Variants in LIMCH1 observed in about 807,000 individuals in gnomAD.
The protein encoded by LIMCH1 is LIM and calponin homology domains-containing protein 1.
A neutral mutation model predicts 176.5 loss-of-function variants in LIMCH1; 113 were observed. The observed-to-expected ratio is 0.64, with a 90% CI of 0.55 to 0.75. LIMCH1 has a LOEUF of 0.75. Ranked by LOEUF, LIMCH1 falls within the 30% of genes least tolerant of loss-of-function variation. LIMCH1 has a pLI of 0.00. For synonymous variants in LIMCH1, 619 were observed against 645.9 expected (o/e 0.96, Z 0.63); for missense variants, 1,674 against 1,814.9 (o/e 0.92, Z 1.41).
At position 41,409,673 on chromosome 4, in the gene LIMCH1, C is replaced by T. The variant is rs182456370; in HGVS notation, c.96+48737C>T. Among the ~76,000 whole-genome samples the T allele has an allele frequency of 1.9e-3, 283 of 152,274 alleles. 2 individuals are homozygous for T. The highest frequency in any genetic ancestry group is 2.4e-3 in the Non-Finnish European group (166 of 68,018). ...TGCTGACATTGACTTAGAGCGGTTC[C>T]TATAAATGAGGTCCCGATACAGTAA... On this transcript the variant is annotated intron_variant, in intron 1 of 26. Transcript: ENST00000313860.
intron 1 of LIMCH1, among the ~76,000 whole-genome samples, chr4:41,581,116 A>ATCTG (rs1561818947): frequency 1.6e-5 from 2 of 125,900 alleles, no homozygotes; most frequent in Non-Finnish European, 3.2e-5. Context: ...CTGTCTGTCT[A>ATCTG]TCTATCTATC....
chr4:41,487,479 A>G (rs2069823833), intron 1 of LIMCH1, among the ~76,000 whole-genome samples: 1 of 152,112 alleles, frequency 6.6e-6, no homozygotes, highest in Admixed American at 6.5e-5. Flanking sequence ...GGTCTAAGAA[A>G]TTGAATTTGA....
chr4:41,654,737 C>T (rs2094415536), intron 18 of LIMCH1, among the ~76,000 whole-genome samples: 1 of 152,072 alleles, frequency 6.6e-6, no homozygotes, highest in Admixed American at 6.5e-5. Flanking sequence ...AAGGCATGGA[C>T]AATGGTGAGG....
chr4:41,530,823 T>TAAAAA (rs2077203718), intron 3 of LIMCH1, among the ~76,000 whole-genome samples: 205 of 86,444 alleles, frequency 2.4e-3, no homozygotes, highest in African/African-American at 0.014. Context: ...AAAAAAATTT[T>TAAAAA]TTTTTTTTTT....
intron 1 of LIMCH1, among the ~76,000 whole-genome samples, chr4:41,449,172 C>A (rs976027597): frequency 6.6e-6 from 1 of 152,136 alleles, no homozygotes; most frequent in African/African-American, 2.4e-5. Context: ...TCCCCTGGCA[C>A]CCTTCCAACC....
At chr4:41,608,148 C>G (rs2090975426) in intron 4 of LIMCH1, among the ~76,000 whole-genome samples, 1 of 152,244 alleles carries the variant, frequency 6.6e-6, no homozygotes. Context: ...TTTGTACCAA[C>G]AACCTCAACC....
intron 1 of LIMCH1, among the ~76,000 whole-genome samples, chr4:41,556,023 G>A (rs1458963540): frequency 6.6e-6 from 1 of 152,076 alleles, no homozygotes; most frequent in South Asian, 2.1e-4. Context: ...GGGATTACAG[G>A]TGTGAGCCAC....
chr4:41,631,114 G>A (rs2093300384), intron 9 of LIMCH1, 34 bp from the exon 10 acceptor site: 4 of 1,418,216 alleles, frequency 2.8e-6, no homozygotes, highest in Non-Finnish European at 3.7e-6. Context: ...TTTGTACTCA[G>A]ACACTTTTAG....
At chr4:41,633,903 C>G (rs192959852) in intron 13 of LIMCH1, 95 bp downstream of exon 13, 2 of 1,310,934 alleles carry the variant, frequency 1.5e-6, no homozygotes, top group African/African-American at 3.0e-5. Context: ...TGCCGCTTAC[C>G]TGCTGTTGCT....
intron 3 of LIMCH1, among the ~76,000 whole-genome samples, chr4:41,527,758 G>T (rs1330786404): frequency 6.8e-6 from 1 of 146,708 alleles, no homozygotes; most frequent in African/African-American, 2.6e-5. Context: ...GGGAGGCGGA[G>T]CTTGCAGTGA....
intron 6 of LIMCH1, chr4:41,619,988 G>C (rs1206754288): frequency 5.4e-6 from 1 of 186,242 alleles, no homozygotes; most frequent in Non-Finnish European, 1.1e-5. Flanking sequence ...CATTTATTCA[G>C]CAAGTACTTA....
intron 20 of LIMCH1, among the ~76,000 whole-genome samples, chr4:41,665,919 T>C (rs987621752): frequency 4.6e-5 from 7 of 152,206 alleles, no homozygotes; most frequent in African/African-American, 1.7e-4. Context: ...TTTTAAAGTC[T>C]GTAATTTTGG....
intron 2 of LIMCH1, among the ~76,000 whole-genome samples, chr4:41,510,108 A>T (rs1458294424): frequency 6.6e-6 from 1 of 152,148 alleles, no homozygotes; most frequent in East Asian, 1.9e-4. Flanking sequence ...TTTGAAACTT[A>T]TTTTAGCAGA....
intron 1 of LIMCH1, among the ~76,000 whole-genome samples, chr4:41,577,288 T>C (rs1156714423): frequency 6.6e-6 from 1 of 152,110 alleles, no homozygotes; most frequent in East Asian, 1.9e-4. Context: ...TTTTTAACCA[T>C]GTGAATAAAC....
intron 1 of LIMCH1, among the ~76,000 whole-genome samples, chr4:41,474,040 C>T (rs1324884082): frequency 1.3e-5 from 2 of 151,204 alleles, no homozygotes; most frequent in African/African-American, 2.4e-5. Context: ...TAACAAGGCA[C>T]GGTGGTGCGC....
intron 30 of LIMCH1, among the ~76,000 whole-genome samples, chr4:41,691,184 C>T (rs1011300683): frequency 2.0e-5 from 3 of 152,052 alleles, no homozygotes; most frequent in Non-Finnish European, 2.9e-5. Flanking sequence ...TGGATTTATT[C>T]CCCACTCTTG....
At chr4:41,473,280 C>A in intron 1 of LIMCH1, 1 of 695,992 alleles carries the variant, frequency 1.4e-6, no homozygotes, top group Non-Finnish European at 1.8e-6. Context: ...TGCAATGGTA[C>A]ATCCTGGTCC....
At chr4:41,462,722 A>G (rs1376321694) in intron 1 of LIMCH1, among the ~76,000 whole-genome samples, 1 of 152,188 alleles carries the variant, frequency 6.6e-6, no homozygotes, top group East Asian at 1.9e-4. Context: ...TTTTATTAAC[A>G]TTGGAGTAAA....
intron 1 of LIMCH1, among the ~76,000 whole-genome samples, chr4:41,463,945 A>G (rs1194133055): frequency 6.6e-6 from 1 of 152,032 alleles, no homozygotes; most frequent in Non-Finnish European, 1.5e-5. Context: ...CTCAAACTCC[A>G]GGGCTCCAGC....
Sources: gnomAD v4.1 joint callset for allele counts (sites outside exome capture counted in the v4.1 genomes callset) on GRCh38, gnomAD v4.1.1 for gene constraint, MANE v1.5 for transcripts, NCBI Gene and HGNC (gene_info 2026-07-23, HGNC 2026-07-21) for gene names.